TAFA1: variants seen among roughly 807,000 people sequenced by gnomAD.
TAFA1 encodes the protein TAFA chemokine like family member 1, also known as chemokine-like protein TAFA-1.
TAFA1 carries 4 observed loss-of-function variants against 18.5 expected under a neutral mutation model. That is an observed-to-expected ratio of 0.22 (90% CI 0.11 to 0.49). The LOEUF (loss-of-function observed/expected upper bound fraction) is 0.49. TAFA1 is among the 20% of genes least tolerant of loss of function. TAFA1 has a pLI of 0.98. For missense variants in TAFA1, 147 were observed against 169.0 expected (o/e 0.87, Z 0.72); for synonymous variants, 56 against 55.2 (o/e 1.01, Z -0.06).
intron 3 of TAFA1, among the ~76,000 whole-genome samples, chr3:68,529,436 T>TAAAAAAAAAAA (rs533214097): frequency 3.9e-5 from 3 of 77,070 alleles, no homozygotes; most frequent in African/African-American, 9.1e-5. Context: ...CACCATTCTC[T>TAAAAAAAAAAA]AAAAAAAAAA....
chr3:68,520,938 T>C (rs914657268), intron 3 of TAFA1, among the ~76,000 whole-genome samples: 1 of 152,230 alleles, frequency 6.6e-6, no homozygotes, highest in Admixed American at 6.5e-5. Context: ...CAAATATTTA[T>C]TGAGCACCTT....
intron 2 of TAFA1, among the ~76,000 whole-genome samples, chr3:68,050,347 G>A (rs2064453732): frequency 1.3e-5 from 2 of 152,100 alleles, no homozygotes; most frequent in African/African-American, 4.8e-5. Context: ...TTTATGCTAT[G>A]GCACTTGCCA....
At chr3:68,019,776 A>C (rs1230576617) in intron 2 of TAFA1, among the ~76,000 whole-genome samples, 2 of 152,162 alleles carry the variant, frequency 1.3e-5, no homozygotes, top group African/African-American at 4.8e-5. Context: ...AACAACAACA[A>C]CAACAACAAC....
chr3:68,465,787 A>G (rs1235318705), intron 3 of TAFA1, among the ~76,000 whole-genome samples: 2 of 152,220 alleles, frequency 1.3e-5, no homozygotes, highest in Admixed American at 6.5e-5. Flanking sequence ...ATTTGCTCTT[A>G]GTCACATGAA....
chr3:68,141,720 C>T lies in TAFA1; in HGVS notation c.118+134976C>T, dbSNP rs143419612. Among the ~76,000 whole-genome samples the T allele has an allele frequency of 1.5e-3, 230 of 152,304 alleles. 1 individual carries two copies. Among genetic ancestry groups the T allele is most frequent in the African/African-American group, 5.2e-3 (217 of 41,556 alleles). The stretch of plus-strand genomic sequence containing the variant: ...CAGGGAACCTTGCTGACAGTGAAGC[C>T]AACACAGAAGAAAGCAAGGCCAAAC... On this transcript the variant is annotated intron_variant, in intron 2 of 4. Transcript: ENST00000478136.
At chr3:68,318,269 C>T (rs1334906850) in intron 2 of TAFA1, among the ~76,000 whole-genome samples, 2 of 152,134 alleles carry the variant, frequency 1.3e-5, no homozygotes, top group Non-Finnish European at 2.9e-5. Flanking sequence ...GGATGGGATG[C>T]ACCATATGCT....
chr3:68,517,501 A>G (rs556105459), intron 3 of TAFA1, among the ~76,000 whole-genome samples: 12 of 152,262 alleles, frequency 7.9e-5, no homozygotes, highest in Admixed American at 7.2e-4. Context: ...GGTGCAGGGA[A>G]AGCCGTGCAA....
intron 2 of TAFA1, among the ~76,000 whole-genome samples, chr3:68,149,822 G>A (rs1407244490): frequency 6.6e-6 from 1 of 152,162 alleles, no homozygotes; most frequent in Non-Finnish European, 1.5e-5. Flanking sequence ...GTCAAAAGAA[G>A]ACCTAGCACG....
At chr3:68,013,467 C>T (rs1039602642) in intron 2 of TAFA1, among the ~76,000 whole-genome samples, 1 of 152,070 alleles carries the variant, frequency 6.6e-6, no homozygotes, top group Non-Finnish European at 1.5e-5. Context: ...AAAATTAAAT[C>T]CCTAAGGTTT....
At chr3:68,492,893 A>T (rs1273718185) in intron 3 of TAFA1, among the ~76,000 whole-genome samples, 1 of 152,212 alleles carries the variant, frequency 6.6e-6, no homozygotes, top group East Asian at 1.9e-4. Flanking sequence ...GAGCTGGGGC[A>T]GTTTTTGAAT....
At chr3:68,541,907 T>C in intron 4 of TAFA1, among the ~76,000 whole-genome samples, 1 of 152,306 alleles carries the variant, frequency 6.6e-6, no homozygotes, top group African/African-American at 2.4e-5. Flanking sequence ...TGATCTAATT[T>C]AAAACTTTAT....
At chr3:68,528,832 TA>T (rs1231773854) in intron 3 of TAFA1, among the ~76,000 whole-genome samples, 2 of 152,076 alleles carry the variant, frequency 1.3e-5, no homozygotes, top group African/African-American at 4.8e-5. Context: ...TACTCTCACT[TA>T]GTGAAGAATT....
At chr3:68,180,051 G>A (rs2066177960) in intron 2 of TAFA1, among the ~76,000 whole-genome samples, 1 of 46,420 alleles carries the variant, frequency 2.2e-5, no homozygotes, top group South Asian at 7.8e-4. Flanking sequence ...TATTTGAGAG[G>A]GAGTCTTACT....
At chr3:68,514,731 C>A (rs200898665) in intron 3 of TAFA1, among the ~76,000 whole-genome samples, 6 of 131,202 alleles carry the variant, frequency 4.6e-5, no homozygotes, top group African/African-American at 1.1e-4. Flanking sequence ...AAAAAAAAAA[C>A]GTTTTTTCCC....
At chr3:68,094,521 T>A (rs1209558805) in intron 2 of TAFA1, among the ~76,000 whole-genome samples, 1 of 152,122 alleles carries the variant, frequency 6.6e-6, no homozygotes, top group Non-Finnish European at 1.5e-5. Context: ...GAAAGTCAGA[T>A]TTTGTTTGTA....
chr3:68,364,333 C>T (rs559129942), intron 2 of TAFA1, among the ~76,000 whole-genome samples: 1 of 152,230 alleles, frequency 6.6e-6, no homozygotes, highest in Non-Finnish European at 1.5e-5. Flanking sequence ...TTTGGTGATT[C>T]GTCACAGGAA....
At chr3:68,015,441 C>G (rs969226712) in intron 2 of TAFA1, among the ~76,000 whole-genome samples, 3 of 152,084 alleles carry the variant, frequency 2.0e-5, no homozygotes, top group Admixed American at 6.6e-5. Context: ...CACATGCCAC[C>G]ATGCCCAGCT....
At chr3:68,309,867 C>G (rs72626949) in intron 2 of TAFA1, among the ~76,000 whole-genome samples, 1 of 152,078 alleles carries the variant, frequency 6.6e-6, no homozygotes, top group Non-Finnish European at 1.5e-5. Flanking sequence ...GATGTTAGTT[C>G]TAGCAGCTGC....
intron 3 of TAFA1, among the ~76,000 whole-genome samples, chr3:68,457,788 C>T (rs527806546): frequency 3.8e-4 from 58 of 152,158 alleles, no homozygotes; most frequent in African/African-American, 1.4e-3. Context: ...CTTCCCAGTC[C>T]CCTCCTTCTC....
Sources: gnomAD v4.1 joint callset for allele counts (sites outside exome capture counted in the v4.1 genomes callset) on GRCh38, gnomAD v4.1.1 for gene constraint, MANE v1.5 for transcripts, NCBI Gene and HGNC (gene_info 2026-07-23, HGNC 2026-07-21) for gene names.